Variants in PPIH observed in about 807,000 individuals in gnomAD.
The protein encoded by PPIH is peptidylprolyl isomerase H.
PPIH carries 16 observed loss-of-function variants against 27.6 expected under a neutral mutation model. The observed-to-expected ratio is 0.58, with a 90% CI of 0.39 to 0.88. The LOEUF (loss-of-function observed/expected upper bound fraction) is 0.88, where lower values mean the gene tolerates loss of function less well. PPIH is among the 40% of genes least tolerant of loss of function. The pLI is 0.00. For missense variants in PPIH, 155 were observed against 224.1 expected (o/e 0.69, Z 1.97); for synonymous variants, 63 against 76.1 (o/e 0.83, Z 0.90).
intron 5 of PPIH, among the ~76,000 whole-genome samples, chr1:42,661,519 C>A (rs1262244941): frequency 6.6e-6 from 1 of 152,186 alleles, no homozygotes; most frequent in Non-Finnish European, 1.5e-5. Context: ...AAGCCTCCCT[C>A]CCCACCCCAA....
intron 9 of PPIH, among the ~76,000 whole-genome samples, chr1:42,671,320 C>A (rs928981695): frequency 6.6e-6 from 1 of 152,092 alleles, no homozygotes; most frequent in Non-Finnish European, 1.5e-5. Flanking sequence ...CCCAGCTACT[C>A]CAGAGACAAA....
At chr1:42,675,525 G>A (rs936730353) in intron 9 of PPIH, among the ~76,000 whole-genome samples, 1 of 152,226 alleles carries the variant, frequency 6.6e-6, no homozygotes, top group African/African-American at 2.4e-5. Context: ...TGGTATGACA[G>A]AGCTTAGGTC....
chr1:42,664,252 C>G (rs1023020106), intron 5 of PPIH, among the ~76,000 whole-genome samples: 1 of 152,172 alleles, frequency 6.6e-6, no homozygotes, highest in Non-Finnish European at 1.5e-5. Context: ...TGTTCTCTAG[C>G]CCAGCTTGCA....
chr1:42,663,259 A>G (rs770339875), intron 5 of PPIH, among the ~76,000 whole-genome samples: 1 of 152,192 alleles, frequency 6.6e-6, no homozygotes, highest in Non-Finnish European at 1.5e-5. Flanking sequence ...AGTGCTTTTT[A>G]CAGACACTAT....
intron 5 of PPIH, among the ~76,000 whole-genome samples, chr1:42,664,014 T>G (rs534072412): frequency 1.3e-5 from 2 of 152,220 alleles, no homozygotes; most frequent in Admixed American, 1.3e-4. Flanking sequence ...TTTCCTCACA[T>G]GAAAAATGGG....
intron 2 of PPIH, 42 bp from the exon 3 acceptor site, chr1:42,659,186 G>GTGATTC: frequency 6.2e-7 from 1 of 1,613,368 alleles, no homozygotes; most frequent in East Asian, 2.2e-5. Context: ...TCACGACTGT[G>GTGATTC]ACATCATAGT....
intron 7 of PPIH, 117 bp downstream of exon 7, chr1:42,666,184 T>A: frequency 1.0e-6 from 1 of 969,104 alleles, no homozygotes; most frequent in Non-Finnish European, 1.6e-6. Context: ...GCTTAGGTGG[T>A]AATAGAGAAA....
rs760815782 is a variant in PPIH, at chr1:42,667,378, C to T, written c.493C>T (p.Pro165Ser). 1 of 1,609,256 alleles carries T rather than the reference C, an allele frequency of 6.2e-7. No homozygotes were observed. Among genetic ancestry groups the T allele is most frequent in the Middle Eastern group, 1.7e-4 (1 of 6,054 alleles). Residue 165 changes from proline (P) to serine (S), a missense_variant, in exon 9 of 10, where the codon CCC becomes TCC. Pro to Ser is a moderately conservative substitution (Grantham distance 74). Transcript: ENST00000304979. ...TGTTCCCACAGGCCCCAACAATAAGCCCAAGCTACCTGTGGTGATCTCGCA... is the reference window on the plus strand; with the variant it reads ...TGTTCCCACAGGCCCCAACAATAAGTCCAAGCTACCTGTGGTGATCTCGCA... The part of the protein sequence containing the change: ...ENVPTGPNNK[P>S]KLPVVISQCG...
chr1:42,673,969 G>A (rs1649764984), intron 9 of PPIH, among the ~76,000 whole-genome samples: 1 of 152,234 alleles, frequency 6.6e-6, no homozygotes, highest in South Asian at 2.1e-4. Context: ...ATTCCCGTAG[G>A]GGAAGATTAG....
intron 9 of PPIH, among the ~76,000 whole-genome samples, chr1:42,672,142 C>T (rs1212531081): frequency 6.6e-6 from 1 of 152,120 alleles, no homozygotes; most frequent in Non-Finnish European, 1.5e-5. Context: ...CTCGGACTCC[C>T]AAAGTGCTGG....
rs114062358 is a variant in PPIH at position 42,671,877 on chromosome 1, C to A, written c.*21+4437C>A. ...TTTTAAGCCCTATTGGGCAGTATTT[C>A]TTTCTTTCTTTTTTTTTTTTTTTCG... On this transcript the variant is annotated intron_variant, in intron 9 of 9. Transcript: ENST00000304979. 8.5e-3 allele frequency among the ~76,000 whole-genome samples: 1,173 copies of A among 137,550 alleles called. 14 individuals carry two copies. Among genetic ancestry groups the A allele is most frequent in the African/African-American group, 0.031 (1,112 of 36,398 alleles). 90.2% of individuals were successfully genotyped at this position (137,550 alleles called of 152,430 possible). A position where few individuals can be genotyped will look rare whatever the true frequency, so the allele number is the denominator to read the frequency against.
intron 4 of PPIH, 101 bp downstream of exon 4, chr1:42,659,667 CTT>C (rs1648894757): frequency 6.7e-7 from 1 of 1,496,502 alleles, no homozygotes; most frequent in African/African-American, 1.4e-5. Context: ...TCTTACATTT[CTT>C]GAGAAGAAAT....
At chr1:42,665,924 C>A in intron 6 of PPIH, 56 bp from the exon 7 acceptor site, 3 of 1,418,028 alleles carry the variant, frequency 2.1e-6, no homozygotes, top group Non-Finnish European at 3.0e-6. Context: ...GGAAATCTTG[C>A]CCTTCAGCTA....
At chr1:42,669,351 T>C (rs971052900) in intron 9 of PPIH, among the ~76,000 whole-genome samples, 5 of 152,166 alleles carry the variant, frequency 3.3e-5, no homozygotes, top group African/African-American at 9.7e-5. Flanking sequence ...TGATGGATCA[T>C]AGTCAAAAAT....
At chr1:42,678,827 A>G (rs549167818), downstream of PPIH, 1 of 152,126 alleles carries the variant, frequency 6.6e-6, no homozygotes, top group African/African-American at 2.4e-5. Flanking sequence ...AGGAAGAGGG[A>G]AAAAAAACGG....
chr1:42,677,698 T>A (rs545133694), downstream of PPIH, among the ~76,000 whole-genome samples: 1 of 152,120 alleles, frequency 6.6e-6, no homozygotes, highest in Non-Finnish European at 1.5e-5. Context: ...TGGTGGCACA[T>A]ACCTGTAGTC....
chr1:42,661,414 G>A (rs1308776527), intron 5 of PPIH, among the ~76,000 whole-genome samples: 1 of 152,126 alleles, frequency 6.6e-6, no homozygotes, highest in Non-Finnish European at 1.5e-5. Context: ...AGTTCTGGAG[G>A]AATTTTGCTC....
At position 42,676,598 on chromosome 1, in the gene PPIH, TTGG is replaced by T. The variant is rs1273609275; in HGVS notation, c.*42_*44del. ...TGCCATTGTAGGCCTTCCCTTCTTC[TTGG>T]TGGTGTTCTTGAGTAAGATAATCTG... On this transcript the variant is annotated 3_prime_UTR_variant, in exon 10 of 10. Transcript: ENST00000304979. 1.3e-5 allele frequency: 2 copies of T among 152,012 alleles called. No individual in the cohort carries two copies. Among genetic ancestry groups the T allele is most frequent in the East Asian group, 3.9e-4 (2 of 5,162 alleles). 9.4% of individuals were successfully genotyped at this position (152,012 alleles called of 1,614,324 possible).
chr1:42,661,670 CAT>C lies in PPIH; in HGVS notation c.243+767_243+768del, dbSNP rs138069232. 7.9e-5 allele frequency among the ~76,000 whole-genome samples: 12 copies of C among 152,198 alleles called. No homozygotes were observed. The East Asian group carries it at 1.2e-3, about 15-fold the overall frequency. On this transcript the variant is annotated intron_variant, in intron 5 of 9. Coordinates refer to ENST00000304979, the MANE Select transcript of PPIH (RefSeq NM_006347.4). Reference sequence around the variant, plus strand: ...TTGCTGTTTTCTTGGATCTGGGAGACATGTGTTCTCTTTTATGTGTTTATTTA... The same window carrying C: ...TTGCTGTTTTCTTGGATCTGGGAGACGTGTTCTCTTTTATGTGTTTATTTA...
Sources: gnomAD v4.1 joint callset for allele counts (sites outside exome capture counted in the v4.1 genomes callset) on GRCh38, gnomAD v4.1.1 for gene constraint, MANE v1.5 for transcripts, NCBI Gene and HGNC (gene_info 2026-07-23, HGNC 2026-07-21) for gene names.